Variants in INPP5F observed in about 807,000 individuals in gnomAD.
INPP5F encodes phosphatidylinositide 4-phosphatase SAC2.
Under a neutral mutation model 137.2 loss-of-function variants are expected in INPP5F, and 97 were observed. The observed-to-expected ratio is 0.71, with a 90% CI of 0.60 to 0.84. INPP5F has a LOEUF of 0.84. Among genes scored for constraint, INPP5F ranks in the 40% least tolerant of loss-of-function variants. The pLI, the probability that INPP5F is intolerant of heterozygous loss-of-function variation, is 0.00. For missense variants in INPP5F, 1,271 were observed against 1,371.9 expected, an observed-to-expected ratio of 0.93 and a Z score of 1.16; for synonymous variants, 504 against 476.9, an observed-to-expected ratio of 1.06 and a Z score of -0.74.
At chr10:119,755,611 A>G (rs1264187560) in intron 2 of INPP5F, among the ~76,000 whole-genome samples, 1 of 152,130 alleles carries the variant, frequency 6.6e-6, no homozygotes, top group Non-Finnish European at 1.5e-5. Context: ...GCATGTCAAA[A>G]AGAATTCCTT....
At position 119,827,600 on chromosome 10, in the gene INPP5F, G is replaced by C; in HGVS notation, c.3219G>C (p.Lys1073Asn). 4 of 1,614,178 alleles carry C rather than the reference G, an allele frequency of 2.5e-6. No individual in the cohort carries two copies. The highest frequency in any genetic ancestry group is 3.4e-6 in the Non-Finnish European group (4 of 1,180,026). The change falls in exon 20 of 20, where the codon AAG becomes AAC. Residue 1073 changes from lysine (K) to asparagine (N), a missense_variant. By Grantham distance (94) the Lys-to-Asn change is moderately conservative. Transcript: ENST00000650623. ...SSSRAVSPFA[K>N]IRSSMVQVAS... ...GCAGAGCAGTCTCTCCCTTTGCCAA[G>C]ATTCGAAGTTCCATGGTCCAGGTTG...
intron 15 of INPP5F, among the ~76,000 whole-genome samples, chr10:119,812,930 AAG>A (rs1004043307): frequency 1.3e-5 from 2 of 152,196 alleles, no homozygotes; most frequent in Admixed American, 6.5e-5. Context: ...AAAAAAAAAA[AAG>A]AGTACTTTTA....
chr10:119,792,003 T>C lies in INPP5F; in HGVS notation c.579T>C (p.Thr193=), dbSNP rs371809846. Reference sequence around the variant, plus strand: ...CCAATTCCGTGCAGAGGCAGAGCACTGGGGAGAGGGACGGTCGGCCCCTCT... The same window carrying C: ...CCAATTCCGTGCAGAGGCAGAGCACCGGGGAGAGGGACGGTCGGCCCCTCT... ...DLTNSVQRQS[T]GERDGRPLWQ... The change falls in exon 5 of 20, where the codon ACT becomes ACC. Residue 193 remains threonine, a synonymous_variant. Coordinates refer to ENST00000650623, the MANE Select transcript of INPP5F (RefSeq NM_014937.4). 19 of 1,614,238 alleles carry C rather than the reference T, an allele frequency of 1.2e-5. No individual in the cohort carries two copies. The highest frequency in any genetic ancestry group is 1.6e-4 in the Middle Eastern group (1 of 6,062).
chr10:119,819,475 C>CA, intron 15 of INPP5F: 1 of 1,595,844 alleles, frequency 6.3e-7, no homozygotes, highest in Non-Finnish European at 8.5e-7. Flanking sequence ...GAATTTATTT[C>CA]ATATTAAAAT....
chr10:119,736,149 AG>A (rs2134104758), intron 1 of INPP5F, among the ~76,000 whole-genome samples: 1 of 152,338 alleles, frequency 6.6e-6, no homozygotes, highest in East Asian at 1.9e-4. Context: ...GCAAAAGGTG[AG>A]GGATATATCC....
At position 119,827,838 on chromosome 10, in the gene INPP5F, C is replaced by T; in HGVS notation, c.*58C>T. The T allele has an allele frequency of 8.1e-7, 1 of 1,236,096 alleles. No individual in the cohort carries two copies. Among genetic ancestry groups the T allele is most frequent in the Non-Finnish European group, 1.1e-6 (1 of 882,740 alleles). The allele number at this position is 1,236,096 out of a possible 1,614,324, so 76.6% of individuals were successfully genotyped here. ...ATTTAAAAATATGAAATTTTCACCT[C>T]TTGGGGTATTTTAATTGTACTGTCT... On this transcript the variant is annotated 3_prime_UTR_variant, in exon 20 of 20. Transcript: ENST00000650623.
At chr10:119,768,412 TGAG>T (rs1849238733) in intron 2 of INPP5F, 1 of 152,310 alleles carries the variant, frequency 6.6e-6, no homozygotes, top group African/African-American at 2.4e-5. Flanking sequence ...CCAGGTTGCC[TGAG>T]GAGGAGTGAA....
At chr10:119,732,782 G>T (rs1236343480) in intron 1 of INPP5F, among the ~76,000 whole-genome samples, 2 of 152,174 alleles carry the variant, frequency 1.3e-5, no homozygotes, top group Non-Finnish European at 2.9e-5. Context: ...CATTACAGGC[G>T]TGAGCCACCG....
chr10:119,795,366 C>T lies in INPP5F; in HGVS notation c.670-1349C>T, dbSNP rs1182546257. On this transcript the variant is annotated intron_variant, in intron 6 of 19. Transcript: ENST00000650623. ...GGGGCTCCTCACTTCTCAGACGGGG[C>T]GGCTGCCAGGCGGAGGGGCTCCTCA... Among the ~76,000 whole-genome samples, 41 of 142,590 alleles carry T rather than the reference C, an allele frequency of 2.9e-4. No homozygotes were observed. The South Asian group carries it at 4.2e-3, about 14-fold the overall frequency. 93.5% of individuals were successfully genotyped at this position (142,590 alleles called of 152,430 possible).
At chr10:119,768,996 A>G (rs1198803273) in intron 2 of INPP5F, among the ~76,000 whole-genome samples, 3 of 152,206 alleles carry the variant, frequency 2.0e-5, no homozygotes, top group Non-Finnish European at 4.4e-5. Flanking sequence ...CTTATGTGAG[A>G]GAACTAAGAA....
rs1275454635 is a variant in INPP5F at position 119,826,923 on chromosome 10, G to GA, written c.2543dup (p.Asp848GlufsTer8). On this transcript the variant is annotated frameshift_variant, in exon 20 of 20. Coordinates refer to ENST00000650623, the MANE Select transcript of INPP5F (RefSeq NM_014937.4). LOFTEE classifies it high-confidence loss of function. ...GATGGATAAGGTTCAGGCAGAGTCT[G>GA]ATGGGGACATGTCTTCAGATAATGA... The GA allele has an allele frequency of 6.2e-7, 1 of 1,614,160 alleles. No individual in the cohort carries two copies. Among genetic ancestry groups the GA allele is most frequent in the South Asian group, 1.1e-5 (1 of 91,088 alleles).
At position 119,827,554 on chromosome 10, in the gene INPP5F, C is replaced by G; in HGVS notation, c.3173C>G (p.Ser1058Cys). The G allele has an allele frequency of 6.2e-7, 1 of 1,612,408 alleles. No individual in the cohort carries two copies. The highest frequency in any genetic ancestry group is 8.5e-7 in the Non-Finnish European group (1 of 1,178,860). The change falls in exon 20 of 20, where the codon TCT becomes TGT. Residue 1058 changes from serine (S) to cysteine (C), a missense_variant. Around this residue, in one of 6 missense-constraint regions of INPP5F, gnomAD observed 490 missense variants for 443.7 expected, o/e 1.10. Coordinates refer to ENST00000650623, the MANE Select transcript of INPP5F (RefSeq NM_014937.4). ...ELETGLHVTP[S>C]PSESSSSRAV... ...GAGACAGGGCTTCATGTAACTCCTT[C>G]TCCTTCAGAGAGCAGTAGCAGCAGA... is the stretch of plus-strand genomic sequence containing the variant.
intron 6 of INPP5F, among the ~76,000 whole-genome samples, chr10:119,794,972 G>A (rs1589723249): frequency 1.5e-5 from 2 of 136,424 alleles, no homozygotes; most frequent in Admixed American, 7.0e-5. Flanking sequence ...CAGTAGGGGT[G>A]GCCGGGCAGA....
At chr10:119,740,923 A>C (rs1003904663) in intron 1 of INPP5F, among the ~76,000 whole-genome samples, 1 of 152,244 alleles carries the variant, frequency 6.6e-6, no homozygotes, top group Non-Finnish European at 1.5e-5. Context: ...AGTTTTAAAT[A>C]CATACACATT....
intron 3 of INPP5F, among the ~76,000 whole-genome samples, chr10:119,788,536 C>T (rs570746774): frequency 2.3e-4 from 35 of 152,036 alleles, no homozygotes; most frequent in Non-Finnish European, 4.3e-4. Flanking sequence ...AGTTAGGAGG[C>T]CTAAGCAGTG....
At chr10:119,765,546 ATTTTTT>A (rs36034689) in intron 2 of INPP5F, among the ~76,000 whole-genome samples, 1 of 129,820 alleles carries the variant, frequency 7.7e-6, no homozygotes, top group African/African-American at 2.9e-5. Context: ...TAATTTTTGT[ATTTTTT>A]TTTTTTTTTT....
At chr10:119,812,774 G>A (rs1171015710) in intron 15 of INPP5F, among the ~76,000 whole-genome samples, 2 of 152,022 alleles carry the variant, frequency 1.3e-5, no homozygotes, top group East Asian at 3.9e-4. Flanking sequence ...ATAATATGTG[G>A]ACTTTAAAAA....
In INPP5F at chr10:119,827,965, CATT is replaced by C; in HGVS notation, c.*186_*188del. The C allele has an allele frequency of 1.8e-6, 1 of 557,450 alleles. No individual in the cohort carries two copies. Among genetic ancestry groups the C allele is most frequent in the Non-Finnish European group, 3.2e-6 (1 of 314,548 alleles). 34.5% of individuals were successfully genotyped at this position (557,450 alleles called of 1,614,324 possible). ...TACAGCCAGGACTACAGAAGTGCAT[CATT>C]CTAGAATGTGTAGACCTGAGTAGCT... is the stretch of plus-strand genomic sequence containing the variant. On this transcript the variant is annotated 3_prime_UTR_variant, in exon 20 of 20. Transcript: ENST00000650623.
intron 9 of INPP5F, chr10:119,799,357 G>T (rs1850503278): frequency 2.3e-6 from 1 of 436,038 alleles, no homozygotes; most frequent in African/African-American, 2.0e-5. Flanking sequence ...CATACAAAAA[G>T]ATAGCATGTA....
Sources: gnomAD v4.1 joint callset for allele counts (sites outside exome capture counted in the v4.1 genomes callset) on GRCh38, gnomAD v4.1.1 for gene constraint, gnomAD v4.1.1 regional missense constraint, MANE v1.5 for transcripts, NCBI Gene and HGNC (gene_info 2026-07-23, HGNC 2026-07-21) for gene names.